The following FAM20C variants were observed in gnomAD, a reference collection of about 807,000 sequenced individuals.
FAM20C encodes FAM20C golgi associated secretory pathway kinase.
FAM20C carries 40 observed loss-of-function variants against 51.5 expected under a neutral mutation model. The ratio of observed to expected loss-of-function variants is 0.78; its 90% CI spans 0.60 to 1.01. FAM20C has a LOEUF of 1.01. FAM20C is among the 50% of genes least tolerant of loss of function. FAM20C has a pLI of 0.00. For missense variants in FAM20C, 861 were observed against 844.7 expected, an observed-to-expected ratio of 1.02 and a Z score of -0.24; for synonymous variants, 406 against 380.6, an observed-to-expected ratio of 1.07 and a Z score of -0.78.
chr7:204,272 G>A (rs1039488859), intron 2 of FAM20C, among the ~76,000 whole-genome samples: 1 of 152,196 alleles, frequency 6.6e-6, no homozygotes, highest in African/African-American at 2.4e-5. Context: ...ACGGAGCCTC[G>A]AGCTGCTGGC....
chr7:259,353 G>A (rs552644101), intron 9 of FAM20C, among the ~76,000 whole-genome samples: 20 of 152,334 alleles, frequency 1.3e-4, no homozygotes, highest in East Asian at 5.8e-4. Flanking sequence ...GGCAGACCAC[G>A]CCGAAGCAGG....
chr7:246,123 G>C (rs1329557719), intron 3 of FAM20C: 1 of 306,596 alleles, frequency 3.3e-6, no homozygotes, highest in South Asian at 4.1e-5. Context: ...CCCATGGGGA[G>C]CTGGGACCTC....
chr7:196,172 G>C (rs753472360), intron 2 of FAM20C, among the ~76,000 whole-genome samples: 7 of 152,210 alleles, frequency 4.6e-5, no homozygotes, highest in Non-Finnish European at 8.8e-5. Flanking sequence ...CCTGCTTCTT[G>C]TGGTTTTGAA....
chr7:207,316 G>A (rs35724395), intron 2 of FAM20C, among the ~76,000 whole-genome samples: 6 of 110,654 alleles, frequency 5.4e-5, no homozygotes, highest in Admixed American at 1.6e-4. Context: ...ACTGTGACGC[G>A]TCGGTCACTG....
chr7:252,313 G>A (rs1788431566), intron 5 of FAM20C, among the ~76,000 whole-genome samples: 1 of 144,534 alleles, frequency 6.9e-6, no homozygotes, highest in Admixed American at 6.8e-5. Context: ...CCCGACCAAG[G>A]ATGCCAGGTC....
chr7:233,807 C>G (rs1261166735), intron 3 of FAM20C, among the ~76,000 whole-genome samples: 1 of 152,214 alleles, frequency 6.6e-6, no homozygotes, highest in African/African-American at 2.4e-5. Flanking sequence ...ATTCTGCCAG[C>G]CACGAAAGGC....
In FAM20C at chr7:246,411, TCAGA is replaced by T. The variant is rs1406961330; in HGVS notation, c.864-1_866del. ...CCGTTTCTGTTTCTGTCTTGTTTTC[TCAGA>T]CAAACGAGGGAGCAGGAGACACCCC... On this transcript the variant is annotated splice_acceptor_variant and splice_polypyrimidine_tract_variant and coding_sequence_variant and intron_variant, in exon 4 of 10. Coordinates refer to ENST00000313766, the MANE Select transcript of FAM20C (RefSeq NM_020223.4). LOFTEE classifies it high-confidence loss of function. 3 of 1,384,812 alleles carry T rather than the reference TCAGA, an allele frequency of 2.2e-6. No homozygotes were observed. Among genetic ancestry groups the T allele is most frequent in the Non-Finnish European group, 2.8e-6 (3 of 1,062,826 alleles). The allele number at this position is 1,384,812 out of a possible 1,614,324, so 85.8% of individuals were successfully genotyped here. A position where few individuals can be genotyped will look rare whatever the true frequency, so the allele number is the denominator to read the frequency against.
chr7:216,700 A>G (rs796088756), intron 3 of FAM20C, among the ~76,000 whole-genome samples: 2 of 123,294 alleles, frequency 1.6e-5, no homozygotes, highest in South Asian at 5.0e-4. Flanking sequence ...TGTGTGTGTG[A>G]GACAGAGTGT....
intron 5 of FAM20C, among the ~76,000 whole-genome samples, chr7:255,337 G>A (rs376481760): frequency 5.3e-5 from 8 of 152,142 alleles, no homozygotes; most frequent in African/African-American, 1.2e-4. Flanking sequence ...TCACGATGGC[G>A]CCCGTCTCTT....
intron 3 of FAM20C, among the ~76,000 whole-genome samples, chr7:211,455 C>T (rs777503146): frequency 5.9e-5 from 9 of 151,894 alleles, no homozygotes; most frequent in South Asian, 2.1e-4. Flanking sequence ...AGCCCCCCAC[C>T]GTGATGGGCA....
At chr7:209,423 G>T (rs1166862459) in intron 3 of FAM20C, among the ~76,000 whole-genome samples, 3 of 152,176 alleles carry the variant, frequency 2.0e-5, no homozygotes, top group Non-Finnish European at 4.4e-5. Context: ...GGTGGTCCTA[G>T]CCCCAAAGCA....
rs180726066 is a variant in FAM20C at position 248,660 on chromosome 7, C to T, written c.1072+230C>T. Among the ~76,000 whole-genome samples, 1,109 of 140,292 alleles carry T rather than the reference C, an allele frequency of 7.9e-3. 70 individuals carry two copies. The highest frequency in any genetic ancestry group is 0.07 in the Admixed American group (954 of 13,540). 92.0% of individuals were successfully genotyped at this position (140,292 alleles called of 152,430 possible). A position where few individuals can be genotyped will look rare whatever the true frequency, so the allele number is the denominator to read the frequency against. The stretch of plus-strand genomic sequence containing the variant: ...ATTCATCTCGCCAGGTAGCCTGGCA[C>T]GGGGGCCCACATTCACCTCTCCAGG... On this transcript the variant is annotated intron_variant, in intron 5 of 9. Transcript: ENST00000313766.
intron 5 of FAM20C, among the ~76,000 whole-genome samples, chr7:251,226 C>CGGT: frequency 6.7e-6 from 1 of 148,600 alleles, no homozygotes; most frequent in African/African-American, 2.5e-5. Context: ...TGGCCGGGCA[C>CGGT]GGCGGCTCAC....
chr7:260,077 A>G lies in FAM20C; in HGVS notation c.*97A>G. ...TCGTGAATTCAGTGAATTCAGAGGC[A>G]GGACGGGATCATCCGGAGTCGGGAG... On this transcript the variant is annotated 3_prime_UTR_variant, in exon 10 of 10. Coordinates refer to ENST00000313766, the MANE Select transcript of FAM20C (RefSeq NM_020223.4). 3 of 1,400,936 alleles carry G rather than the reference A, an allele frequency of 2.1e-6. No individual in the cohort carries two copies. The highest frequency in any genetic ancestry group is 2.6e-4 in the Middle Eastern group (1 of 3,848). The allele number at this position is 1,400,936 out of a possible 1,614,324, so 86.8% of individuals were successfully genotyped here.
At position 215,233 on chromosome 7, in the gene FAM20C, G is replaced by T. The variant is rs956308905; in HGVS notation, c.863+6257G>T. ...CAGAGTTTAGAGGCTCCAGCTGGGGGGGGGAGCAGGGCCCCTGGTGTATGG... is the reference window on the plus strand; with the variant it reads ...CAGAGTTTAGAGGCTCCAGCTGGGGTGGGGAGCAGGGCCCCTGGTGTATGG... On this transcript the variant is annotated intron_variant, in intron 3 of 9. Transcript: ENST00000313766. Among the ~76,000 whole-genome samples, 98 of 126,246 alleles carry T rather than the reference G, an allele frequency of 7.8e-4. 3 individuals carry two copies. The highest frequency in any genetic ancestry group is 1.6e-3 in the African/African-American group (57 of 35,570). 82.8% of individuals were successfully genotyped at this position (126,246 alleles called of 152,430 possible).
In FAM20C at chr7:253,353, G is replaced by A. The variant is rs528436888; in HGVS notation, c.1073-2496G>A. ...GACGCTTGAGCCGCAGGGTGAAGGA[G>A]CCATCTTCGTCCTTGCCAGGAGCCA... On this transcript the variant is annotated intron_variant, in intron 5 of 9. Transcript: ENST00000313766. Among the ~76,000 whole-genome samples, 6 of 152,296 alleles carry A rather than the reference G, an allele frequency of 3.9e-5. No individual in the cohort carries two copies. The South Asian group carries it at 1.2e-3, about 32-fold the overall frequency.
intron 5 of FAM20C, among the ~76,000 whole-genome samples, chr7:249,043 G>A (rs1788292327): frequency 2.8e-5 from 4 of 141,322 alleles, no homozygotes; most frequent in African/African-American, 1.0e-4. Flanking sequence ...TCTGTGCACA[G>A]AGAGACTGTT....
intron 2 of FAM20C, among the ~76,000 whole-genome samples, chr7:206,315 A>C (rs1183004589): frequency 6.6e-6 from 1 of 152,206 alleles, no homozygotes; most frequent in African/African-American, 2.4e-5. Context: ...CGTTGGCTCC[A>C]GGGCAGCAAC....
In FAM20C at chr7:222,086, T is replaced by C. The variant is rs920780764; in HGVS notation, c.863+13110T>C. Among the ~76,000 whole-genome samples the C allele has an allele frequency of 7.7e-5, 11 of 142,840 alleles. 1 individual carries two copies. Among genetic ancestry groups the C allele is most frequent in the African/African-American group, 3.3e-4 (11 of 33,596 alleles). The allele number at this position is 142,840 out of a possible 152,430, so 93.7% of individuals were successfully genotyped here. ...GCAGGGCAGGGGGCTGCAGGAGCCG[T>C]TCTTAGCATCTGGGCACCCGGGAGG... is the stretch of plus-strand genomic sequence containing the variant. On this transcript the variant is annotated intron_variant, in intron 3 of 9. Coordinates refer to ENST00000313766, the MANE Select transcript of FAM20C (RefSeq NM_020223.4).
Sources: allele counts gnomAD v4.1 joint callset (sites outside exome capture counted in the v4.1 genomes callset), GRCh38; gene constraint gnomAD v4.1.1; transcripts MANE v1.5; gene names NCBI Gene and HGNC (gene_info 2026-07-23, HGNC 2026-07-21).